SUPT16H: variants seen among roughly 807,000 people sequenced by gnomAD.
The protein encoded by SUPT16H is SPT16 homolog, facilitates chromatin remodeling subunit, also known as FACT complex subunit SPT16.
In SUPT16H, 24 loss-of-function variants were observed where a neutral mutation model predicts 136.2. That is an observed-to-expected ratio of 0.18 (90% CI 0.13 to 0.25). The LOEUF is 0.25. Among genes scored for constraint, SUPT16H ranks in the 10% least tolerant of loss-of-function variants. The probability of loss-of-function intolerance (pLI) is 1.00; values close to 1 mark genes in which losing one functional copy is unlikely to be tolerated. For missense variants in SUPT16H, 623 were observed against 1,270.2 expected, an observed-to-expected ratio of 0.49 and a Z score of 7.74; for synonymous variants, 415 against 428.2, an observed-to-expected ratio of 0.97 and a Z score of 0.38.
At chr14:21,355,846 T>C (rs996947623) in intron 22 of SUPT16H, among the ~76,000 whole-genome samples, 4 of 152,138 alleles carry the variant, frequency 2.6e-5, no homozygotes, top group Non-Finnish European at 5.9e-5. Context: ...CTTTAGACAA[T>C]ATACACGGCA....
chr14:21,364,565 AT>A (rs1467361652), intron 10 of SUPT16H, among the ~76,000 whole-genome samples: 2 of 152,222 alleles, frequency 1.3e-5, no homozygotes, highest in Admixed American at 1.3e-4. Flanking sequence ...AGAAAAAAGA[AT>A]AACCGGTTTC....
rs1300504299 is a variant in SUPT16H, at chr14:21,354,533, C to T, written c.2668G>A (p.Asp890Asn). Reference protein sequence around the residue: ...DPIKEWLNSCDLKYTEGVQSL... With the variant: ...DPIKEWLNSCNLKYTEGVQSL... ...TGTACTCCTTCTGTGTATTTCAGGTCGCAGGAACTAAGAGAAATGACATGA... is the reference window on the plus strand; with the variant it reads ...TGTACTCCTTCTGTGTATTTCAGGTTGCAGGAACTAAGAGAAATGACATGA... Residue 890 changes from aspartate to asparagine, a missense_variant, in exon 23 of 26, where the codon GAC (aspartate) becomes AAC (asparagine). By Grantham distance (23) the Asp-to-Asn change is conservative. Coordinates refer to ENST00000216297, the MANE Select transcript of SUPT16H (RefSeq NM_007192.4). The T allele has an allele frequency of 1.2e-6, 2 of 1,613,196 alleles. No homozygotes were observed. The highest frequency in any genetic ancestry group is 1.1e-5 in the South Asian group (1 of 90,914).
chr14:21,354,433 G>T lies in SUPT16H; in HGVS notation c.2768C>A (p.Ser923Tyr). 6.2e-7 allele frequency: 1 copy of T among 1,614,076 alleles called. No individual in the cohort carries two copies. The highest frequency in any genetic ancestry group is 1.3e-5 in the African/African-American group (1 of 75,036). Residue 923 changes from serine (S) to tyrosine (Y), a missense_variant, in exon 23 of 26, where the codon TCT (serine) becomes TAT (tyrosine). Ser to Tyr is a moderately radical substitution (Grantham distance 144). Coordinates refer to ENST00000216297, the MANE Select transcript of SUPT16H (RefSeq NM_007192.4). The stretch of plus-strand genomic sequence containing the variant: ...CACCTCACCCTCAGGCTCCAGGAAA[G>T]ACCAGCCACCTTGTTCGAAGAAGCC... The part of the protein sequence containing the change: ...PEGFFEQGGW[S>Y]FLEPEGEGSD...
chr14:21,363,323 T>C lies in SUPT16H; in HGVS notation c.1305A>G (p.Glu435=), dbSNP rs1264943766. The part of the protein sequence containing the change: ...VKNVGIFLKN[E]DEEEEEEEKD... ...TCTCCTCCTCCTCTTCTTCCTCATC[T>C]TCATTCTATGGAAAAAGTCATAATC... The change falls in exon 12 of 26, where the codon GAA becomes GAG. Residue 435 remains glutamate, a synonymous_variant. Coordinates refer to ENST00000216297, the MANE Select transcript of SUPT16H (RefSeq NM_007192.4). The C allele has an allele frequency of 2.5e-6, 4 of 1,607,292 alleles. No homozygotes were observed. The Admixed American group carries it at 6.7e-5, about 27-fold the overall frequency.
intron 1 of SUPT16H, 74 bp downstream of exon 1, chr14:21,383,788 A>G (rs1887105428): frequency 2.6e-6 from 4 of 1,545,666 alleles, no homozygotes; most frequent in Non-Finnish European, 2.7e-6. Context: ...AAGAGAAAAA[A>G]GGGCGCCGAG....
intron 1 of SUPT16H, among the ~76,000 whole-genome samples, chr14:21,375,620 G>GTC (rs2060918948): frequency 6.6e-6 from 1 of 152,128 alleles, no homozygotes; most frequent in Admixed American, 6.5e-5. Flanking sequence ...TGGAGACAGA[G>GTC]TCTCACTCTA....
chr14:21,353,459 T>C, intron 25 of SUPT16H, 29 bp downstream of exon 25: 1 of 1,602,100 alleles, frequency 6.2e-7, no homozygotes, highest in East Asian at 2.2e-5. Flanking sequence ...CGTAGACAAA[T>C]GAATAAAAAA....
At chr14:21,378,365 GAA>G (rs1767972516) in intron 1 of SUPT16H, among the ~76,000 whole-genome samples, 1 of 152,108 alleles carries the variant, frequency 6.6e-6, no homozygotes, top group Non-Finnish European at 1.5e-5. Flanking sequence ...AGAAAAAAAG[GAA>G]AGTTAATCAT....
chr14:21,369,406 G>A (rs773416007), intron 5 of SUPT16H, 51 bp from the exon 6 acceptor site: 18 of 1,607,596 alleles, frequency 1.1e-5, no homozygotes, highest in Non-Finnish European at 1.4e-5. Context: ...GTAGCAAAGC[G>A]GGGTGTGTGG....
intron 5 of SUPT16H, 88 bp from the exon 6 acceptor site, chr14:21,369,443 T>C: frequency 2.0e-6 from 3 of 1,527,320 alleles, no homozygotes; most frequent in Non-Finnish European, 1.8e-6. Flanking sequence ...ACAAAATGTA[T>C]CCTTGTATAA....
Position 21,361,195 on chromosome 14 carries a change from A to G in SUPT16H, c.1812T>C (p.Asn604=). 6.2e-7 allele frequency: 1 copy of G among 1,613,230 alleles called. No homozygotes were observed. The highest frequency in any genetic ancestry group is 8.5e-7 in the Non-Finnish European group (1 of 1,179,916). The change falls in exon 16 of 26, where the codon AAT becomes AAC. Residue 604 remains asparagine, a synonymous_variant. Coordinates refer to ENST00000216297, the MANE Select transcript of SUPT16H (RefSeq NM_007192.4). ...CTGTCTGTTCTCCGGGTGCCTTAAT[A>G]TTTGATGCTCGGTATGTACTGCAGA... The part of the protein sequence containing the change: ...FVKEITYRAS[N]IKAPGEQTVP...
Position 21,359,479 on chromosome 14 carries a change from C to G in SUPT16H, c.2301+5G>C. On this transcript the variant is annotated splice_donor_5th_base_variant and intron_variant, in intron 19 of 25. Coordinates refer to ENST00000216297, the MANE Select transcript of SUPT16H (RefSeq NM_007192.4). ...CCTGCAAATACAATACTAAATTTCA[C>G]AAACCTGCTCAGCATAGAGGTCATC... The G allele has an allele frequency of 6.2e-7, 1 of 1,611,942 alleles. No individual in the cohort carries two copies.
Position 21,371,880 on chromosome 14 carries a change from T to G in SUPT16H, c.324A>C (p.Arg108=), listed in dbSNP as rs773662647. ...NGAPAITLLI[R]EKNESNKSSF... ...ATTCTTTATTAATCCTGACCTTTTC[T>G]CGTATTAGCAGTGTGATGGCAGGGG... Residue 108 remains arginine (R), a synonymous_variant, in exon 3 of 26, where the codon CGA becomes CGC. Coordinates refer to ENST00000216297, the MANE Select transcript of SUPT16H (RefSeq NM_007192.4). 4.3e-6 allele frequency: 7 copies of G among 1,613,678 alleles called. No individual in the cohort carries two copies. Among genetic ancestry groups the G allele is most frequent in the Non-Finnish European group, 5.1e-6 (6 of 1,179,898 alleles).
chr14:21,372,955 AAAGT>A lies in SUPT16H; in HGVS notation c.159+379_159+382del, dbSNP rs370239503. On this transcript the variant is annotated intron_variant, in intron 2 of 25. Transcript: ENST00000216297. ...TGGGACTGAGAAATTGAAATTTTTT[AAAGT>A]AAGAGACAGGGTCTCACTGTGTTGC... Among the ~76,000 whole-genome samples, 87 of 152,274 alleles carry A rather than the reference AAAGT, an allele frequency of 5.7e-4. 1 individual carries two copies. Among genetic ancestry groups the A allele is most frequent in the Middle Eastern group, 3.4e-3 (1 of 294 alleles).
intron 19 of SUPT16H, among the ~76,000 whole-genome samples, chr14:21,358,978 T>G (rs1886492641): frequency 2.0e-5 from 3 of 152,126 alleles, no homozygotes; most frequent in African/African-American, 7.2e-5. Context: ...CTAATTTTTT[T>G]GTATTTTTAG....
chr14:21,362,645 A>C, intron 14 of SUPT16H, 149 bp downstream of exon 14: 1 of 943,400 alleles, frequency 1.1e-6, no homozygotes, highest in Non-Finnish European at 1.5e-6. Flanking sequence ...GAGGAAGGAG[A>C]ATGACAAGAC....
Position 21,371,902 on chromosome 14 carries a change from G to C in SUPT16H, c.302C>G (p.Pro101Arg). 1 of 1,614,024 alleles carries C rather than the reference G, an allele frequency of 6.2e-7. No homozygotes were observed. Among genetic ancestry groups the C allele is most frequent in the Non-Finnish European group, 8.5e-7 (1 of 1,180,012 alleles). Residue 101 changes from proline (P) to arginine (R), a missense_variant, in exon 3 of 26, where the codon CCT (proline) becomes CGT (arginine). Pro to Arg is a moderately radical substitution (Grantham distance 103). Around this residue, in one of 7 missense-constraint regions of SUPT16H, gnomAD observed 343 missense variants for 525.7 expected, o/e 0.65. Coordinates refer to ENST00000216297, the MANE Select transcript of SUPT16H (RefSeq NM_007192.4). Reference sequence around the variant, plus strand: ...TTCTCGTATTAGCAGTGTGATGGCAGGGGCTCCATTAGCATTCTCATTGCC... The same window carrying C: ...TTCTCGTATTAGCAGTGTGATGGCACGGGCTCCATTAGCATTCTCATTGCC... Reference protein sequence around the residue: ...TKGNENANGAPAITLLIREKN... With the variant: ...TKGNENANGARAITLLIREKN...
intron 21 of SUPT16H, 24 bp from the exon 22 acceptor site, chr14:21,357,390 T>C: frequency 1.9e-6 from 3 of 1,554,268 alleles, no homozygotes; most frequent in Non-Finnish European, 2.6e-6. Flanking sequence ...ACTGAATCAT[T>C]AGCATATAAG....
chr14:21,368,738 G>A (rs1173456646), intron 6 of SUPT16H, among the ~76,000 whole-genome samples: 1 of 152,154 alleles, frequency 6.6e-6, no homozygotes, highest in Admixed American at 6.6e-5. Flanking sequence ...CTAATTGTGG[G>A]GTTGTGAGGA....
Sources: allele counts gnomAD v4.1 joint callset (sites outside exome capture counted in the v4.1 genomes callset), GRCh38; gene constraint gnomAD v4.1.1; regional missense constraint gnomAD v4.1.1; transcripts MANE v1.5; gene names NCBI Gene and HGNC (gene_info 2026-07-23, HGNC 2026-07-21).